TNIP3: variants seen among roughly 807,000 people sequenced by gnomAD.
TNIP3 encodes the protein TNFAIP3-interacting protein 3.
In TNIP3, 34 loss-of-function variants were observed where a neutral mutation model predicts 54.1. The observed-to-expected ratio is 0.63, with a 90% CI of 0.48 to 0.84. The LOEUF (loss-of-function observed/expected upper bound fraction) is 0.84, where lower values mean the gene tolerates loss of function less well. Ranked by LOEUF, TNIP3 falls within the 40% of genes least tolerant of loss-of-function variation. TNIP3 has a pLI of 0.00. For synonymous variants in TNIP3, 134 were observed against 136.8 expected, an observed-to-expected ratio of 0.98 and a Z score of 0.14; for missense variants, 366 against 387.6, an observed-to-expected ratio of 0.94 and a Z score of 0.47.
At chr4:121,220,574 G>A (rs1726986912), upstream of TNIP3, among the ~76,000 whole-genome samples, 1 of 151,954 alleles carries the variant, frequency 6.6e-6, no homozygotes, top group Admixed American at 6.6e-5. Flanking sequence ...GCTAAAACTA[G>A]CTTGTACTGA....
At chr4:121,196,489 A>C (rs1348397354) in intron 2 of TNIP3, among the ~76,000 whole-genome samples, 2 of 152,200 alleles carry the variant, frequency 1.3e-5, no homozygotes, top group Non-Finnish European at 2.9e-5. Flanking sequence ...TGTGTGGTTG[A>C]CTATGTAATA....
chr4:121,166,330 C>T (rs1730765700), upstream of TNIP3, among the ~76,000 whole-genome samples: 1 of 152,184 alleles, frequency 6.6e-6, no homozygotes, highest in Non-Finnish European at 1.5e-5. Context: ...AGTTTGGTTT[C>T]AGAAAAATGA....
intron 3 of TNIP3, among the ~76,000 whole-genome samples, chr4:121,175,138 G>A (rs1724232280): frequency 6.6e-6 from 1 of 152,150 alleles, no homozygotes; most frequent in Non-Finnish European, 1.5e-5. Flanking sequence ...ACATTGTCAT[G>A]AGTTTACATA....
At chr4:121,198,294 CT>C (rs1560687140) in intron 2 of TNIP3, among the ~76,000 whole-genome samples, 1 of 151,854 alleles carries the variant, frequency 6.6e-6, no homozygotes, top group Non-Finnish European at 1.5e-5. Context: ...AGCACATGAC[CT>C]TCATTGTAAA....
chr4:121,189,752 G>A lies in TNIP3; in HGVS notation c.69-6956C>T, dbSNP rs186749532. Among the ~76,000 whole-genome samples the A allele has an allele frequency of 1.3e-3, 196 of 152,284 alleles. 1 individual carries two copies. The highest frequency in any genetic ancestry group is 3.4e-3 in the Middle Eastern group (1 of 294). On this transcript the variant is annotated intron_variant, in intron 2 of 12. Coordinates refer to the TNIP3 transcript ENST00000507879. Reference sequence around the variant, plus strand: ...TAATTTAAAAATTTAAATAGATATCGAAGAATTGTATTTGCATGTCTGAAA... The same window carrying A: ...TAATTTAAAAATTTAAATAGATATCAAAGAATTGTATTTGCATGTCTGAAA...
In TNIP3 at chr4:121,158,679, G is replaced by A. The variant is rs1319258568; in HGVS notation, c.213+8C>T. 3 of 1,604,696 alleles carry A rather than the reference G, an allele frequency of 1.9e-6. No homozygotes were observed. Among genetic ancestry groups the A allele is most frequent in the Non-Finnish European group, 2.6e-6 (3 of 1,172,330 alleles). On this transcript the variant is annotated splice_region_variant and intron_variant, in intron 3 of 10. Transcript: ENST00000057513. ...TAAAGAAAATACCGAATAGAGAGAG[G>A]TATTTACCTTTCTTTCATATAACTC...
At chr4:121,155,519 A>G (rs773243030) in intron 4 of TNIP3, among the ~76,000 whole-genome samples, 5 of 152,166 alleles carry the variant, frequency 3.3e-5, no homozygotes, top group Admixed American at 6.5e-5. Context: ...TTTAAAAGGT[A>G]GAAATCAACT....
At chr4:121,135,018 G>T (rs1728697491) in intron 10 of TNIP3, among the ~76,000 whole-genome samples, 1 of 152,174 alleles carries the variant, frequency 6.6e-6, no homozygotes, top group Admixed American at 6.5e-5. Context: ...GGATCTCCCA[G>T]CTGGGCTGTC....
At chr4:121,214,366 T>C (rs1726667613) in intron 2 of TNIP3, among the ~76,000 whole-genome samples, 1 of 152,218 alleles carries the variant, frequency 6.6e-6, no homozygotes, top group African/African-American at 2.4e-5. Context: ...TTAACCACTG[T>C]AGAAAAAATG....
intron 6 of TNIP3, 57 bp from the exon 7 acceptor site, chr4:121,147,231 A>T: frequency 6.4e-7 from 1 of 1,565,122 alleles, no homozygotes; most frequent in Non-Finnish European, 8.6e-7. Context: ...AGCCATTTAA[A>T]TGACTTTATT....
At chr4:121,149,870 C>G (rs1401000433) in intron 6 of TNIP3, among the ~76,000 whole-genome samples, 1 of 152,184 alleles carries the variant, frequency 6.6e-6, no homozygotes, top group African/African-American at 2.4e-5. Flanking sequence ...ATTGTGTGAT[C>G]TTGGGTAAGC....
intron 2 of TNIP3, among the ~76,000 whole-genome samples, chr4:121,211,389 A>C (rs1269824739): frequency 1.3e-5 from 2 of 152,212 alleles, no homozygotes; most frequent in Admixed American, 1.3e-4. Flanking sequence ...GACATAAGTA[A>C]TATCCCAAGC....
intron 2 of TNIP3, among the ~76,000 whole-genome samples, chr4:121,206,815 T>C (rs557109791): frequency 6.6e-6 from 1 of 152,224 alleles, no homozygotes; most frequent in African/African-American, 2.4e-5. Context: ...AGGGATCCAC[T>C]TGCCTCAGCC....
chr4:121,201,989 C>A (rs1413479289), intron 2 of TNIP3, among the ~76,000 whole-genome samples: 1 of 152,086 alleles, frequency 6.6e-6, no homozygotes, highest in Non-Finnish European at 1.5e-5. Context: ...CTGCCAAAAG[C>A]AATCTACAAA....
At chr4:121,220,956 G>T (rs1458480401), upstream of TNIP3, among the ~76,000 whole-genome samples, 3 of 152,150 alleles carry the variant, frequency 2.0e-5, no homozygotes, top group Non-Finnish European at 4.4e-5. Flanking sequence ...AGGGGCTGTG[G>T]TGAGTAAGTG....
At chr4:121,199,116 G>A (rs1204009865) in intron 2 of TNIP3, among the ~76,000 whole-genome samples, 1 of 152,124 alleles carries the variant, frequency 6.6e-6, no homozygotes, top group Non-Finnish European at 1.5e-5. Context: ...CCAGCTGAAA[G>A]CACTGAGCAA....
chr4:121,225,995 G>A (rs1476716417), intron 1 of TNIP3, among the ~76,000 whole-genome samples: 1 of 152,026 alleles, frequency 6.6e-6, no homozygotes, highest in Non-Finnish European at 1.5e-5. Context: ...CCTCATTAAT[G>A]TCATTAAAAT....
At chr4:121,194,743 C>G (rs1315814432) in intron 2 of TNIP3, among the ~76,000 whole-genome samples, 1 of 152,088 alleles carries the variant, frequency 6.6e-6, no homozygotes, top group Non-Finnish European at 1.5e-5. Context: ...GGCATTTCAC[C>G]TCCCTGTGGA....
In TNIP3 at chr4:121,158,750, G is replaced by T; in HGVS notation, c.150C>A (p.Leu50=). Reference sequence around the variant, plus strand: ...GATCCCATTGCTGGTTAACTTCCAGGAGCTGAAATCATTAAAATTTGGTGA... The same window carrying T: ...GATCCCATTGCTGGTTAACTTCCAGTAGCTGAAATCATTAAAATTTGGTGA... ...IRCLEKQRKE[L]LEVNQQWDQQ... The change falls in exon 3 of 11, where the codon CTC becomes CTA. Residue 50 remains leucine (L), a splice_region_variant and synonymous_variant. Coordinates refer to ENST00000057513, the MANE Select transcript of TNIP3 (RefSeq NM_024873.6). The T allele has an allele frequency of 2.5e-6, 4 of 1,607,982 alleles. No homozygotes were observed. Among genetic ancestry groups the T allele is most frequent in the Non-Finnish European group, 3.4e-6 (4 of 1,178,414 alleles).
Sources: allele counts gnomAD v4.1 joint callset (sites outside exome capture counted in the v4.1 genomes callset), GRCh38; gene constraint gnomAD v4.1.1; transcripts MANE v1.5; gene names NCBI Gene and HGNC (gene_info 2026-07-23, HGNC 2026-07-21).